Variants in COL2A1 observed in about 807,000 individuals in gnomAD.
COL2A1 encodes the protein collagen type II alpha 1 chain.
Under a neutral mutation model 204.5 loss-of-function variants are expected in COL2A1, and 28 were observed. The ratio of observed to expected loss-of-function variants is 0.14; its 90% CI spans 0.10 to 0.19. The LOEUF (loss-of-function observed/expected upper bound fraction) is 0.19, where lower values mean the gene tolerates loss of function less well. COL2A1 is among the 10% of genes least tolerant of loss of function. COL2A1 has a pLI of 1.00. For synonymous variants in COL2A1, 708 were observed against 718.7 expected (o/e 0.99, Z 0.24); for missense variants, 1,388 against 2,027.5 (o/e 0.68, Z 6.06).
At chr12:47,981,659 G>T (rs2136543599) in intron 36 of COL2A1, 117 bp downstream of exon 36, 1 of 1,252,314 alleles carries the variant, frequency 8.0e-7, no homozygotes, top group Non-Finnish European at 1.1e-6. Flanking sequence ...CACTCCTACG[G>T]CCTTGGCCGA....
In COL2A1 at chr12:48,004,423, G is replaced by T; in HGVS notation, c.-102C>A. On this transcript the variant is annotated 5_prime_UTR_variant, in exon 1 of 54. Transcript: ENST00000380518. ...TCTCTACCGCGCCCTCATGCAGGAG[G>T]CCCTTGGAGCAGGAGGGGGAAGCGG... The T allele has an allele frequency of 1.5e-6, 1 of 657,256 alleles. No individual in the cohort carries two copies. 40.7% of individuals were successfully genotyped at this position (657,256 alleles called of 1,614,324 possible). A position where few individuals can be genotyped will look rare whatever the true frequency, so the allele number is the denominator to read the frequency against.
chr12:47,982,255 A>T (rs888123340), intron 34 of COL2A1, 95 bp from the exon 35 acceptor site: 42 of 1,136,972 alleles, frequency 3.7e-5, no homozygotes, highest in Non-Finnish European at 5.3e-5. Flanking sequence ...GGGAAAGCCC[A>T]GTCCCTGCCC....
At chr12:47,993,203 A>C (rs1004782431) in intron 15 of COL2A1, among the ~76,000 whole-genome samples, 1 of 152,226 alleles carries the variant, frequency 6.6e-6, no homozygotes, top group African/African-American at 2.4e-5. Context: ...CTTGCAGTAG[A>C]TGAGCTTGAC....
intron 34 of COL2A1, 71 bp from the exon 35 acceptor site, chr12:47,982,231 A>C (rs1308034996): frequency 1.4e-6 from 2 of 1,391,696 alleles, no homozygotes; most frequent in Non-Finnish European, 2.0e-6. Context: ...AGTCCCACCC[A>C]GGCTGGGGTG....
intron 18 of COL2A1, 55 bp downstream of exon 18, chr12:47,989,173 G>C: frequency 6.8e-7 from 1 of 1,473,244 alleles, no homozygotes; most frequent in South Asian, 1.2e-5. Flanking sequence ...GGGTTACGGG[G>C]AAAGGACAGC....
At chr12:48,004,739 C>G (rs1940398334), upstream of COL2A1, among the ~76,000 whole-genome samples, 1 of 152,132 alleles carries the variant, frequency 6.6e-6, no homozygotes, top group Non-Finnish European at 1.5e-5. Flanking sequence ...GCCCCCCAAA[C>G]CCGGGGCTGC....
Position 47,994,729 on chromosome 12 carries a change from TCTCTC to T in COL2A1, c.763-257_763-253del, listed in dbSNP as rs1939870873. 2.0e-5 allele frequency among the ~76,000 whole-genome samples: 3 copies of T among 152,258 alleles called. No individual in the cohort carries two copies. In the South Asian group the frequency reaches 6.2e-4, roughly 32 times the overall value. On this transcript the variant is annotated intron_variant, in intron 11 of 53. Coordinates refer to ENST00000380518, the MANE Select transcript of COL2A1 (RefSeq NM_001844.5). Reference sequence around the variant, plus strand: ...CTCCAACTTCCCCTGAGAGGCTTTTTCTCTCCTCTCCTAGGTTCTGCTGACTGTAT... The same window carrying T: ...CTCCAACTTCCCCTGAGAGGCTTTTTCTCTCCTAGGTTCTGCTGACTGTAT...
chr12:48,003,569 G>A (rs571944082), intron 1 of COL2A1, among the ~76,000 whole-genome samples: 3 of 152,232 alleles, frequency 2.0e-5, no homozygotes, highest in Admixed American at 6.5e-5. Context: ...GAGGGAAGTC[G>A]AGATGAGCGC....
chr12:47,981,854 A>T, intron 35 of COL2A1, 25 bp from the exon 36 acceptor site: 1 of 1,553,548 alleles, frequency 6.4e-7, no homozygotes, highest in Admixed American at 2.0e-5. Flanking sequence ...GGTAGAGGTG[A>T]GGGAGGCAGG....
At position 47,978,891 on chromosome 12, in the gene COL2A1, A is replaced by G; in HGVS notation, c.2734-133T>C. On this transcript the variant is annotated intron_variant, in intron 41 of 53. Transcript: ENST00000380518. The surrounding 1 kb of genome is among the most constrained non-coding windows in gnomAD (Gnocchi z 5.5). ...CTACCTCCCCACACTAAGGGCAGGCAGCTTAACCCCCCCAACCCCAATCTA... is the reference window on the plus strand; with the variant it reads ...CTACCTCCCCACACTAAGGGCAGGCGGCTTAACCCCCCCAACCCCAATCTA... 4 of 911,136 alleles carry G rather than the reference A, an allele frequency of 4.4e-6. No individual in the cohort carries two copies. Among genetic ancestry groups the G allele is most frequent in the Non-Finnish European group, 6.9e-6 (4 of 578,328 alleles). The allele number at this position is 911,136 out of a possible 1,614,324, so 56.4% of individuals were successfully genotyped here.
chr12:47,977,121 G>C lies in COL2A1; in HGVS notation c.3308C>G (p.Ala1103Gly), dbSNP rs1180226091. 8 of 1,609,530 alleles carry C rather than the reference G, an allele frequency of 5.0e-6. No individual in the cohort carries two copies. In the East Asian group the frequency reaches 8.9e-5, roughly 18 times the overall value. ...ACTCACCTGGATTCCCCGGGCTCCA[G>C]CTGGTCCTGAGGGTCCCATGGGGCC... The part of the protein sequence containing the change: ...AQGPMGPSGP[A>G]GARGIQGPQG... The change falls in exon 47 of 54, where the codon GCT (alanine) becomes GGT (glycine). Residue 1103 changes from alanine (A) to glycine (G), a missense_variant. Ala to Gly is a moderately conservative substitution (Grantham distance 60). Around this residue, in one of 3 missense-constraint regions of COL2A1, gnomAD observed 884 missense variants for 1,415.8 expected, o/e 0.62. Coordinates refer to ENST00000380518, the MANE Select transcript of COL2A1 (RefSeq NM_001844.5).
rs745401764 is a variant in COL2A1 at position 47,973,516 on chromosome 12, T to C, written c.4355A>G (p.Tyr1452Cys). Residue 1452 changes from tyrosine to cysteine, a missense_variant, in exon 54 of 54, where the codon TAC becomes TGC. Coordinates refer to ENST00000380518, the MANE Select transcript of COL2A1 (RefSeq NM_001844.5). ...GAGGCGTGAGGTCTTCTGTGACCGGTACTCGATAACAGTCTTGCCCCACTT... is the reference window on the plus strand; with the variant it reads ...GAGGCGTGAGGTCTTCTGTGACCGGCACTCGATAACAGTCTTGCCCCACTT... ...TGKWGKTVIEYRSQKTSRLPI... is the reference protein window; with the variant it reads ...TGKWGKTVIECRSQKTSRLPI... 1.9e-5 allele frequency: 30 copies of C among 1,613,996 alleles called. No individual in the cohort carries two copies. The South Asian group carries it at 3.2e-4, about 17-fold the overall frequency.
chr12:47,997,852 A>G lies in COL2A1; in HGVS notation c.429+19T>C, dbSNP rs1201439812. 6.2e-7 allele frequency: 1 copy of G among 1,614,102 alleles called. No individual in the cohort carries two copies. The highest frequency in any genetic ancestry group is 8.5e-7 in the Non-Finnish European group (1 of 1,180,022). On this transcript the variant is annotated intron_variant, in intron 6 of 53. Transcript: ENST00000380518. ...CCTGGGAAGTCCACCAGGGTCAAGC[A>G]GCATTGCTTTTTACTCACTTTTTCA...
Position 47,977,415 on chromosome 12 carries a change from C to T in COL2A1, c.3178G>A (p.Glu1060Lys), listed in dbSNP as rs1402429703. ...CCAGGAGCTCCCACAGCACCAGTCT[C>T]ACCACGATCACCCTGTCAGGAGAGA... ...GAAGVKGDRG[E>K]TGAVGAPGAP... The change falls in exon 46 of 54, where the codon GAG becomes AAG. Residue 1060 changes from glutamate to lysine, a missense_variant. Physicochemically the swap from Glu to Lys is moderately conservative, Grantham distance 56. Coordinates refer to ENST00000380518, the MANE Select transcript of COL2A1 (RefSeq NM_001844.5). The T allele has an allele frequency of 6.2e-7, 1 of 1,613,060 alleles. No homozygotes were observed. The highest frequency in any genetic ancestry group is 8.5e-7 in the Non-Finnish European group (1 of 1,179,458).
chr12:47,976,716 A>C lies in COL2A1; in HGVS notation c.3435+96T>G. 7.2e-7 allele frequency: 1 copy of C among 1,381,012 alleles called. No individual in the cohort carries two copies. Among genetic ancestry groups the C allele is most frequent in the Non-Finnish European group, 1.0e-6 (1 of 983,584 alleles). The allele number at this position is 1,381,012 out of a possible 1,614,324, so 85.5% of individuals were successfully genotyped here. ...CCTGAGGAAATCCTAGAAACTGCTTAGGGTGATCCCAAGCTGTCCTGGCAG... is the reference window on the plus strand; with the variant it reads ...CCTGAGGAAATCCTAGAAACTGCTTCGGGTGATCCCAAGCTGTCCTGGCAG... On this transcript the variant is annotated intron_variant, in intron 48 of 53. Coordinates refer to ENST00000380518, the MANE Select transcript of COL2A1 (RefSeq NM_001844.5). This position sits in a 1 kb window ranked among gnomAD's most constrained non-coding sequence, Gnocchi z 4.3.
At chr12:48,003,496 T>C (rs956067399) in intron 1 of COL2A1, among the ~76,000 whole-genome samples, 2 of 152,100 alleles carry the variant, frequency 1.3e-5, no homozygotes, top group Non-Finnish European at 2.9e-5. Flanking sequence ...TTATCGTCTT[T>C]CAGATGGCCT....
chr12:47,989,644 A>G, intron 17 of COL2A1, 117 bp downstream of exon 17: 1 of 871,548 alleles, frequency 1.1e-6, no homozygotes. Flanking sequence ...CCCCCTTTCC[A>G]GTAGACATCA....
rs964947433 is a variant in COL2A1 at position 47,994,342 on chromosome 12, T to C, written c.816+82A>G. 3.8e-5 allele frequency: 56 copies of C among 1,463,336 alleles called. No individual in the cohort carries two copies. In the Admixed American group the frequency reaches 9.0e-4, roughly 23 times the overall value. The allele number at this position is 1,463,336 out of a possible 1,614,324, so 90.6% of individuals were successfully genotyped here. The stretch of plus-strand genomic sequence containing the variant: ...GCGTTTCATCTCAGAAGTGACCTCA[T>C]TGAACTGGATGCACTGTGTTTAAGG... On this transcript the variant is annotated intron_variant, in intron 12 of 53. Transcript: ENST00000380518.
In COL2A1 at chr12:47,978,417, G is replaced by T. The variant is rs1401996760; in HGVS notation, c.2896-19C>A. 2 of 1,611,716 alleles carry T rather than the reference G, an allele frequency of 1.2e-6. No individual in the cohort carries two copies. The highest frequency in any genetic ancestry group is 1.7e-6 in the Non-Finnish European group (2 of 1,178,798). Reference sequence around the variant, plus strand: ...CGGCACCCTGAGAGAGGAGAGGCAGGAGATGAGAACTGACAGTGGCCCAGC... The same window carrying T: ...CGGCACCCTGAGAGAGGAGAGGCAGTAGATGAGAACTGACAGTGGCCCAGC... On this transcript the variant is annotated intron_variant, in intron 42 of 53. Transcript: ENST00000380518. This position sits in a 1 kb window ranked among gnomAD's most constrained non-coding sequence, Gnocchi z 5.5.
Sources: gnomAD v4.1 joint callset for allele counts (sites outside exome capture counted in the v4.1 genomes callset) on GRCh38, gnomAD v4.1.1 for gene constraint, gnomAD v4.1.1 regional missense constraint, Gnocchi (gnomAD v3.1) non-coding constraint, MANE v1.5 for transcripts, NCBI Gene and HGNC (gene_info 2026-07-23, HGNC 2026-07-21) for gene names.